The following EYS variants were observed in gnomAD, a reference collection of about 807,000 sequenced individuals.
The protein encoded by EYS is EGF-like photoreceptor maintenance factor.
EYS carries 250 observed loss-of-function variants against 282.1 expected under a neutral mutation model. The ratio of observed to expected loss-of-function variants is 0.89; its 90% CI spans 0.80 to 0.98. The LOEUF is 0.98. EYS is among the 50% of genes least tolerant of loss of function. The probability of loss-of-function intolerance (pLI) is 0.00; values close to 1 mark genes in which losing one functional copy is unlikely to be tolerated. For synonymous variants in EYS, 1,355 were observed against 1,282.9 expected (o/e 1.06, Z -1.20); for missense variants, 4,016 against 3,709.0 (o/e 1.08, Z -2.15).
At chr6:64,188,961 A>C (rs1335063588) in intron 31 of EYS, among the ~76,000 whole-genome samples, 1 of 152,174 alleles carries the variant, frequency 6.6e-6, no homozygotes, top group African/African-American at 2.4e-5. Context: ...CTTGATAGAT[A>C]TTCTTTTTCA....
Position 64,706,500 on chromosome 6 carries a change from A to C in EYS, c.3444-80255T>G, listed in dbSNP as rs577186592. 9.8e-5 allele frequency among the ~76,000 whole-genome samples: 15 copies of C among 152,350 alleles called. No homozygotes were observed. In the South Asian group the frequency reaches 1.9e-3, roughly 19 times the overall value. ...ACTAAAAAACTCTGCACTGCAAAAG[A>C]AATAATCAGTAGACTAAATAGACAA... On this transcript the variant is annotated intron_variant, in intron 22 of 42. Transcript: ENST00000503581.
At chr6:65,592,234 A>T (rs922558481) in intron 2 of EYS, among the ~76,000 whole-genome samples, 5 of 152,014 alleles carry the variant, frequency 3.3e-5, no homozygotes, top group Non-Finnish European at 5.9e-5. Flanking sequence ...TTCTAACAGC[A>T]TTCAGAGTAA....
At chr6:63,988,382 A>T (rs942145420) in intron 34 of EYS, among the ~76,000 whole-genome samples, 2 of 151,616 alleles carry the variant, frequency 1.3e-5, no homozygotes, top group Admixed American at 1.3e-4. Flanking sequence ...GAAGGTATGA[A>T]GGAAAGTCTA....
At chr6:64,734,515 C>A (rs1469678560) in intron 22 of EYS, among the ~76,000 whole-genome samples, 1 of 152,172 alleles carries the variant, frequency 6.6e-6, no homozygotes, top group East Asian at 1.9e-4. Context: ...TTAAATCAAT[C>A]TCCTTATAAA....
chr6:65,026,643 C>G (rs1347708563), intron 13 of EYS, among the ~76,000 whole-genome samples: 2 of 152,160 alleles, frequency 1.3e-5, no homozygotes, highest in Non-Finnish European at 2.9e-5. Flanking sequence ...ATTGGCCGGG[C>G]ATGGTGGCTC....
Position 65,579,903 on chromosome 6 carries a change from T to C in EYS, c.-333+59875A>G, listed in dbSNP as rs138655025. Among the ~76,000 whole-genome samples, 9 of 152,242 alleles carry C rather than the reference T, an allele frequency of 5.9e-5. No homozygotes were observed. In the East Asian group the frequency reaches 1.4e-3, roughly 23 times the overall value. On this transcript the variant is annotated intron_variant, in intron 2 of 42. Transcript: ENST00000503581. The stretch of plus-strand genomic sequence containing the variant: ...AGGAGACGTTTCTCACTCTACTCTT[T>C]TGTAATTTCCATCTTTTAAATGTGA...
At chr6:64,731,925 T>C (rs1771983191) in intron 22 of EYS, among the ~76,000 whole-genome samples, 1 of 152,144 alleles carries the variant, frequency 6.6e-6, no homozygotes, top group Admixed American at 6.5e-5. Context: ...TGCCCATCAA[T>C]GTTAGACTGG....
At chr6:64,238,257 T>C (rs749306345) in intron 30 of EYS, among the ~76,000 whole-genome samples, 2 of 152,126 alleles carry the variant, frequency 1.3e-5, no homozygotes, top group Non-Finnish European at 2.9e-5. Flanking sequence ...CCTTGGGTGT[T>C]AGGCAGGACT....
intron 36 of EYS, among the ~76,000 whole-genome samples, chr6:63,807,873 T>C (rs1770945576): frequency 6.6e-6 from 1 of 152,096 alleles, no homozygotes; most frequent in Non-Finnish European, 1.5e-5. Flanking sequence ...TGTACTGGAG[T>C]TGAAACAGAA....
intron 22 of EYS, among the ~76,000 whole-genome samples, chr6:64,722,312 T>C (rs1583079196): frequency 6.6e-6 from 1 of 151,354 alleles, no homozygotes; most frequent in African/African-American, 2.4e-5. Flanking sequence ...TCCTGGGCAG[T>C]AAAAAATGAG....
rs538830601 is a variant in EYS at position 63,946,428 on chromosome 6, T to C, written c.7055+37955A>G. Among the ~76,000 whole-genome samples, 14 of 152,336 alleles carry C rather than the reference T, an allele frequency of 9.2e-5. No homozygotes were observed. The South Asian group carries it at 2.9e-3, about 32-fold the overall frequency. On this transcript the variant is annotated intron_variant, in intron 35 of 42. Coordinates refer to ENST00000503581, the MANE Select transcript of EYS (RefSeq NM_001142800.2). ...TTAAGAGCATTTTATATGTATTAAC[T>C]CATACAAATGATTCTTAGATTTTTT... is the stretch of plus-strand genomic sequence containing the variant.
intron 37 of EYS, among the ~76,000 whole-genome samples, chr6:63,794,335 G>A (rs1266123939): frequency 6.6e-6 from 1 of 152,166 alleles, no homozygotes; most frequent in Admixed American, 6.5e-5. Flanking sequence ...CTGGCTCCTA[G>A]TTAGCCTCTT....
chr6:65,392,961 T>G (rs13213932), intron 7 of EYS, among the ~76,000 whole-genome samples: 25 of 152,094 alleles, frequency 1.6e-4, no homozygotes, highest in Non-Finnish European at 1.5e-4. Context: ...AGAAAATGTG[T>G]CACATATACA....
intron 29 of EYS, among the ~76,000 whole-genome samples, chr6:64,368,407 T>C (rs189581627): frequency 1.9e-4 from 29 of 152,282 alleles, no homozygotes; most frequent in Admixed American, 1.2e-3. Context: ...TAAACATATG[T>C]GCACGTGTCT....
At chr6:65,509,663 A>G (rs1766790613) in intron 2 of EYS, among the ~76,000 whole-genome samples, 1 of 152,200 alleles carries the variant, frequency 6.6e-6, no homozygotes, top group Non-Finnish European at 1.5e-5. Context: ...CTGTGGATTA[A>G]ATTTTCATTT....
chr6:64,163,267 A>G (rs1323680096), intron 31 of EYS, among the ~76,000 whole-genome samples: 1 of 152,074 alleles, frequency 6.6e-6, no homozygotes, highest in Non-Finnish European at 1.5e-5. Context: ...TTTTTCTTCT[A>G]ATCTTCCAAA....
chr6:64,321,475 G>A (rs746682970), intron 29 of EYS, among the ~76,000 whole-genome samples: 38 of 151,876 alleles, frequency 2.5e-4, no homozygotes, highest in Admixed American at 7.2e-4. Flanking sequence ...GCTAAAAGTC[G>A]AAAGAATGTG....
chr6:63,884,977 G>C (rs1192957130), intron 35 of EYS, among the ~76,000 whole-genome samples: 1 of 152,080 alleles, frequency 6.6e-6, no homozygotes, highest in Non-Finnish European at 1.5e-5. Flanking sequence ...GGTAGGTGGA[G>C]TGTTTCCATT....
At chr6:63,867,772 C>A (rs1053436560) in intron 35 of EYS, among the ~76,000 whole-genome samples, 1 of 152,140 alleles carries the variant, frequency 6.6e-6, no homozygotes, top group Non-Finnish European at 1.5e-5. Flanking sequence ...CTCCTGAATG[C>A]GTTTGCTAAA....
Sources: gnomAD v4.1 joint callset for allele counts (sites outside exome capture counted in the v4.1 genomes callset) on GRCh38, gnomAD v4.1.1 for gene constraint, MANE v1.5 for transcripts, NCBI Gene and HGNC (gene_info 2026-07-23, HGNC 2026-07-21) for gene names.